ABAT: variants seen among roughly 807,000 people sequenced by gnomAD.
ABAT encodes the protein 4-aminobutyrate aminotransferase, mitochondrial.
In ABAT, 45 loss-of-function variants were observed where a neutral mutation model predicts 64.6. That is an observed-to-expected ratio of 0.70 (90% CI 0.55 to 0.89). The LOEUF (loss-of-function observed/expected upper bound fraction) is 0.89, where lower values mean the gene tolerates loss of function less well. ABAT is among the 40% of genes least tolerant of loss of function. ABAT has a pLI of 0.00. For synonymous variants in ABAT, 297 were observed against 250.5 expected, an observed-to-expected ratio of 1.19 and a Z score of -1.75; for missense variants, 633 against 658.4, an observed-to-expected ratio of 0.96 and a Z score of 0.42.
intron 5 of ABAT, among the ~76,000 whole-genome samples, chr16:8,753,029 A>G (rs1285435808): frequency 6.6e-6 from 1 of 151,758 alleles, no homozygotes; most frequent in Non-Finnish European, 1.5e-5. Context: ...TTCCTGGCAT[A>G]CACAGGGAGT....
intron 1 of ABAT, among the ~76,000 whole-genome samples, chr16:8,709,577 T>C (rs1022415720): frequency 3.3e-5 from 5 of 152,170 alleles, no homozygotes; most frequent in African/African-American, 1.2e-4. Context: ...TTTCACCATG[T>C]TGGCCAAGCT....
intron 8 of ABAT, chr16:8,765,946 G>T (rs985430821): frequency 4.7e-6 from 2 of 422,672 alleles, no homozygotes; most frequent in Admixed American, 6.9e-5. Context: ...GGCAAAACAT[G>T]CAACGCTCTC....
chr16:8,750,085 T>G (rs978458812), intron 4 of ABAT, among the ~76,000 whole-genome samples: 2 of 152,252 alleles, frequency 1.3e-5, no homozygotes, highest in African/African-American at 4.8e-5. Flanking sequence ...CTTTAATGAT[T>G]ACTACATATT....
chr16:8,679,637 C>G (rs1201251232), intron 1 of ABAT, among the ~76,000 whole-genome samples: 1 of 151,798 alleles, frequency 6.6e-6, no homozygotes. Context: ...TTAGTAGGTG[C>G]TTAATTAACA....
chr16:8,717,937 G>A (rs552212882), intron 1 of ABAT, among the ~76,000 whole-genome samples: 1 of 151,980 alleles, frequency 6.6e-6, no homozygotes, highest in African/African-American at 2.4e-5. Context: ...TTACACATCA[G>A]GTCCCAGGTC....
intron 1 of ABAT, among the ~76,000 whole-genome samples, chr16:8,678,938 A>G (rs1730956): frequency 0.58 from 88,234 of 151,454 alleles, 26,116 homozygotes; most frequent in East Asian, 0.77. Context: ...GGGAATTAAA[A>G]GGACCTAGAT....
In ABAT at chr16:8,766,280, G is replaced by C; in HGVS notation, c.603+10G>C. On this transcript the variant is annotated intron_variant, in intron 9 of 15. Transcript: ENST00000268251. Reference sequence around the variant, plus strand: ...GTGCATGATTAACCAGGTGAGTGCAGCTGGGCTTGCACCACGTACATCTGG... The same window carrying C: ...GTGCATGATTAACCAGGTGAGTGCACCTGGGCTTGCACCACGTACATCTGG... The C allele has an allele frequency of 1.2e-6, 2 of 1,613,106 alleles. No individual in the cohort carries two copies. Among genetic ancestry groups the C allele is most frequent in the South Asian group, 1.1e-5 (1 of 90,990 alleles).
chr16:8,769,475 C>G (rs536596129), intron 11 of ABAT, among the ~76,000 whole-genome samples: 2 of 149,482 alleles, frequency 1.3e-5, no homozygotes, highest in South Asian at 4.2e-4. Flanking sequence ...ACAAGAATCC[C>G]TTGGACCCGG....
At chr16:8,732,352 G>A (rs1640994) in intron 1 of ABAT, among the ~76,000 whole-genome samples, 1 of 149,796 alleles carries the variant, frequency 6.7e-6, no homozygotes, top group Non-Finnish European at 1.5e-5. Context: ...GGTTTTCCTA[G>A]GCAGAGGACC....
chr16:8,712,355 C>CA (rs1187827387), intron 1 of ABAT, among the ~76,000 whole-genome samples: 1 of 152,150 alleles, frequency 6.6e-6, no homozygotes, highest in Non-Finnish European at 1.5e-5. Flanking sequence ...TGAAATGCAT[C>CA]AAAAACAGGA....
chr16:8,750,338 A>G (rs1003537622), intron 4 of ABAT, 84 bp from the exon 5 acceptor site: 4 of 1,122,838 alleles, frequency 3.6e-6, no homozygotes, highest in Admixed American at 1.7e-5. Context: ...GATATGGTGT[A>G]CTTCACTGAT....
chr16:8,677,683 C>T (rs539229576), intron 1 of ABAT, among the ~76,000 whole-genome samples: 2 of 152,152 alleles, frequency 1.3e-5, no homozygotes, highest in East Asian at 3.8e-4. Flanking sequence ...GAGTCATGTC[C>T]ATCAGAAATG....
chr16:8,705,389 T>C (rs956501241), intron 1 of ABAT: 1 of 152,058 alleles, frequency 6.6e-6, no homozygotes, highest in African/African-American at 2.4e-5. Context: ...ACCAGATCCC[T>C]CCCTTGACAC....
At chr16:8,758,833 C>T (rs1329215088) in intron 6 of ABAT, among the ~76,000 whole-genome samples, 1 of 152,174 alleles carries the variant, frequency 6.6e-6, no homozygotes, top group African/African-American at 2.4e-5. Flanking sequence ...CACGGTGGCT[C>T]ACGCCTGTAA....
chr16:8,716,703 G>A (rs765229000), intron 1 of ABAT, among the ~76,000 whole-genome samples: 5 of 152,162 alleles, frequency 3.3e-5, no homozygotes, highest in East Asian at 1.9e-4. Flanking sequence ...ATTGGATCCC[G>A]TTGAGAGCCT....
Position 8,710,717 on chromosome 16 carries a change from A to AGG in ABAT, c.-41-24981_-41-24980insGG, listed in dbSNP as rs1555485672. 3.7e-3 allele frequency among the ~76,000 whole-genome samples: 209 copies of AGG among 56,190 alleles called. 4 individuals carry two copies. Among genetic ancestry groups the AGG allele is most frequent in the South Asian group, 0.035 (30 of 848 alleles). 36.9% of individuals were successfully genotyped at this position (56,190 alleles called of 152,430 possible). Reference sequence around the variant, plus strand: ...GACAGAGAGAGAGAGAGAGAGAGAGAGAGAGAGAGAGAGGAAATAGGCTCA... The same window carrying AGG: ...GACAGAGAGAGAGAGAGAGAGAGAGAGGGAGAGAGAGAGAGGAAATAGGCTCA... On this transcript the variant is annotated intron_variant, in intron 1 of 15. Coordinates refer to ENST00000268251, the MANE Select transcript of ABAT (RefSeq NM_020686.6).
At chr16:8,727,330 A>G (rs1178953223) in intron 1 of ABAT, among the ~76,000 whole-genome samples, 2 of 152,108 alleles carry the variant, frequency 1.3e-5, no homozygotes, top group South Asian at 2.1e-4. Context: ...CAAGTGCTCT[A>G]TGATTTCTTA....
At chr16:8,740,723 T>G (rs934091900) in intron 2 of ABAT, among the ~76,000 whole-genome samples, 5 of 152,230 alleles carry the variant, frequency 3.3e-5, no homozygotes, top group African/African-American at 1.2e-4. Context: ...ATTAATAATC[T>G]TATGTTGGTA....
intron 14 of ABAT, among the ~76,000 whole-genome samples, chr16:8,777,574 G>GT: frequency 6.6e-6 from 1 of 152,170 alleles, no homozygotes; most frequent in East Asian, 1.9e-4. Context: ...AAGGACGTGT[G>GT]GGGATGTGTG....
Sources: allele counts gnomAD v4.1 joint callset (sites outside exome capture counted in the v4.1 genomes callset), GRCh38; gene constraint gnomAD v4.1.1; transcripts MANE v1.5; gene names NCBI Gene and HGNC (gene_info 2026-07-23, HGNC 2026-07-21).